The following ARID5B variants were observed in gnomAD, a reference collection of about 807,000 sequenced individuals.
ARID5B encodes AT-rich interaction domain 5B, also known as AT-rich interactive domain-containing protein 5B.
A neutral mutation model predicts 97.2 loss-of-function variants in ARID5B; 13 were observed. The ratio of observed to expected loss-of-function variants is 0.13; its 90% CI spans 0.09 to 0.21. The LOEUF is 0.21. Among genes scored for constraint, ARID5B ranks in the 10% least tolerant of loss-of-function variants. ARID5B has a pLI of 1.00. For synonymous variants in ARID5B, 556 were observed against 570.3 expected (o/e 0.97, Z 0.36); for missense variants, 1,210 against 1,465.3 (o/e 0.83, Z 2.84).
At chr10:62,038,419 G>A (rs1404189774) in intron 4 of ARID5B, among the ~76,000 whole-genome samples, 1 of 151,020 alleles carries the variant, frequency 6.6e-6, no homozygotes, top group East Asian at 1.9e-4. Flanking sequence ...TCCATATTAG[G>A]GAATTATTCA....
At chr10:62,041,391 C>T (rs540793665) in intron 4 of ARID5B, among the ~76,000 whole-genome samples, 14 of 152,190 alleles carry the variant, frequency 9.2e-5, no homozygotes, top group Middle Eastern at 3.4e-3. Context: ...AAAATGTCTC[C>T]GAATCTCAGA....
At chr10:62,029,663 C>A (rs1226848764) in intron 4 of ARID5B, among the ~76,000 whole-genome samples, 5 of 152,174 alleles carry the variant, frequency 3.3e-5, no homozygotes, top group Admixed American at 1.3e-4. Flanking sequence ...CCTAGTTTTG[C>A]CTGTAGGACT....
At chr10:61,915,027 T>C (rs975743443) in intron 2 of ARID5B, among the ~76,000 whole-genome samples, 1 of 152,264 alleles carries the variant, frequency 6.6e-6, no homozygotes, top group Non-Finnish European at 1.5e-5. Context: ...TATTCTTTAA[T>C]TGAGTCTTTA....
At chr10:62,076,479 T>C (rs1464143030) in intron 8 of ARID5B, among the ~76,000 whole-genome samples, 3 of 144,850 alleles carry the variant, frequency 2.1e-5, no homozygotes, top group Non-Finnish European at 3.0e-5. Context: ...ACGGGATGGC[T>C]GAATATGGGA....
chr10:61,915,985 A>G (rs1392398057), intron 2 of ARID5B, among the ~76,000 whole-genome samples: 1 of 151,962 alleles, frequency 6.6e-6, no homozygotes, highest in African/African-American at 2.4e-5. Context: ...TGAACTCCTG[A>G]CCTCAAGCAG....
At chr10:62,081,725 G>A (rs181056989) in intron 8 of ARID5B, among the ~76,000 whole-genome samples, 1 of 152,276 alleles carries the variant, frequency 6.6e-6, no homozygotes, top group African/African-American at 2.4e-5. Flanking sequence ...AGAAAGAGTT[G>A]GCAGGTTGCC....
intron 9 of ARID5B, among the ~76,000 whole-genome samples, chr10:62,088,136 A>C (rs10761607): frequency 6.6e-6 from 1 of 151,724 alleles, no homozygotes; most frequent in African/African-American, 2.4e-5. Flanking sequence ...CAACGTGCTG[A>C]GATTACAGGT....
intron 2 of ARID5B, among the ~76,000 whole-genome samples, chr10:61,907,411 G>A (rs114248789): frequency 1.3e-5 from 2 of 151,698 alleles, no homozygotes; most frequent in Non-Finnish European, 2.9e-5. Flanking sequence ...GACCACACTG[G>A]CCTTAGACAA....
rs191157390 is a variant in ARID5B, at chr10:62,087,131, C to G, written c.1398+1231C>G. On this transcript the variant is annotated intron_variant, in intron 9 of 9. Transcript: ENST00000279873. ...TGGCTAATACGGTAAAACCCCGTCT[C>G]TACTAAAAATACAAAAAATTAGCCA... 6.5e-3 allele frequency among the ~76,000 whole-genome samples: 991 copies of G among 151,460 alleles called. 18 individuals are homozygous for G. The highest frequency in any genetic ancestry group is 0.023 in the African/African-American group (947 of 41,256).
At chr10:61,920,577 C>T (rs1451935808) in intron 2 of ARID5B, among the ~76,000 whole-genome samples, 1 of 152,042 alleles carries the variant, frequency 6.6e-6, no homozygotes, top group African/African-American at 2.4e-5. Flanking sequence ...CTCAGGTTAT[C>T]CGCCTGCCTT....
chr10:62,015,034 C>T (rs1265791204), intron 4 of ARID5B, among the ~76,000 whole-genome samples: 1 of 152,158 alleles, frequency 6.6e-6, no homozygotes, highest in Non-Finnish European at 1.5e-5. Context: ...ATTAGAACAA[C>T]TCATTTCCTT....
rs1232861235 is a variant in ARID5B, at chr10:62,094,222, TCTGGGAAAGGGGG to T, written c.*1193_*1205del. 1.7e-5 allele frequency: 4 copies of T among 232,376 alleles called. No homozygotes were observed. The highest frequency in any genetic ancestry group is 8.8e-5 in the African/African-American group (4 of 45,420). The allele number at this position is 232,376 out of a possible 1,614,324, so 14.4% of individuals were successfully genotyped here. ...CGTTGGCACTGATTCCTTTAAATGG[TCTGGGAAAGGGGG>T]TTGGGAAGAGGATGGAGCTCAACTG... On this transcript the variant is annotated 3_prime_UTR_variant, in exon 10 of 10. Coordinates refer to ENST00000279873, the MANE Select transcript of ARID5B (RefSeq NM_032199.3).
chr10:61,926,382 A>G (rs1844105852), intron 2 of ARID5B, among the ~76,000 whole-genome samples: 1 of 152,230 alleles, frequency 6.6e-6, no homozygotes, highest in Admixed American at 6.5e-5. Context: ...TGATGCTACC[A>G]TGCTGGTTTC....
chr10:62,069,532 C>A (rs192571738), intron 7 of ARID5B, among the ~76,000 whole-genome samples, 168 bp from the exon 8 acceptor site: 13 of 152,098 alleles, frequency 8.5e-5, no homozygotes, highest in African/African-American at 3.1e-4. Context: ...GTGCTGAAAG[C>A]GAGATCTCAC....
chr10:62,063,283 T>A (rs577229810), intron 7 of ARID5B, among the ~76,000 whole-genome samples: 1 of 152,182 alleles, frequency 6.6e-6, no homozygotes, highest in Non-Finnish European at 1.5e-5. Flanking sequence ...AATGTAAATA[T>A]TCAATAATAG....
intron 3 of ARID5B, among the ~76,000 whole-genome samples, chr10:61,997,602 A>G: frequency 6.6e-6 from 1 of 152,250 alleles, no homozygotes; most frequent in South Asian, 2.1e-4. Flanking sequence ...CAACCAAGAT[A>G]GAATTTTAGA....
chr10:61,970,289 T>C (rs1838607446), intron 3 of ARID5B, among the ~76,000 whole-genome samples: 1 of 152,264 alleles, frequency 6.6e-6, no homozygotes, highest in Non-Finnish European at 1.5e-5. Flanking sequence ...CTGTGGACAT[T>C]AGCCTTTGGC....
At chr10:61,943,105 G>T (rs1844441274) in intron 3 of ARID5B, among the ~76,000 whole-genome samples, 1 of 152,158 alleles carries the variant, frequency 6.6e-6, no homozygotes, top group Non-Finnish European at 1.5e-5. Context: ...GTAATAATGT[G>T]GAAAGAGAAA....
chr10:61,930,823 C>A (rs980972242), intron 2 of ARID5B, among the ~76,000 whole-genome samples: 1 of 152,128 alleles, frequency 6.6e-6, no homozygotes, highest in African/African-American at 2.4e-5. Flanking sequence ...TATCATCTAT[C>A]CCTCTTCACA....
Sources: allele counts gnomAD v4.1 joint callset (sites outside exome capture counted in the v4.1 genomes callset), GRCh38; gene constraint gnomAD v4.1.1; transcripts MANE v1.5; gene names NCBI Gene and HGNC (gene_info 2026-07-23, HGNC 2026-07-21).